PIGF: variants seen among roughly 807,000 people sequenced by gnomAD.
The protein encoded by PIGF is phosphatidylinositol glycan anchor biosynthesis class F.
In PIGF, 23 loss-of-function variants were observed where a neutral mutation model predicts 26.0. The ratio of observed to expected loss-of-function variants is 0.88; its 90% CI spans 0.64 to 1.25. The LOEUF (loss-of-function observed/expected upper bound fraction) is 1.25. Ranked by LOEUF, PIGF falls within the 50% of genes most tolerant of loss-of-function variation. PIGF has a pLI of 0.00. For missense variants in PIGF, 278 were observed against 249.9 expected, an observed-to-expected ratio of 1.11 and a Z score of -0.76; for synonymous variants, 93 against 92.6, an observed-to-expected ratio of 1.00 and a Z score of -0.03.
chr2:46,612,199 T>C, intron 4 of PIGF, 29 bp downstream of exon 4: 1 of 653,212 alleles, frequency 1.5e-6, no homozygotes, highest in Non-Finnish European at 2.4e-6. Context: ...TTAATTTCAA[T>C]ATCATTATAA....
At chr2:46,605,846 T>C (rs1267690185) in intron 4 of PIGF, among the ~76,000 whole-genome samples, 1 of 152,172 alleles carries the variant, frequency 6.6e-6, no homozygotes, top group African/African-American at 2.4e-5. Flanking sequence ...AGTATCTCAC[T>C]AGATTGCTCT....
In PIGF at chr2:46,613,687, A is replaced by C. The variant is rs375385503; in HGVS notation, c.320+7T>G. 2.0e-6 allele frequency: 3 copies of C among 1,509,880 alleles called. No individual in the cohort carries two copies. Among genetic ancestry groups the C allele is most frequent in the Non-Finnish European group, 2.7e-6 (3 of 1,118,476 alleles). The allele number at this position is 1,509,880 out of a possible 1,614,324, so 93.5% of individuals were successfully genotyped here. A position where few individuals can be genotyped will look rare whatever the true frequency, so the allele number is the denominator to read the frequency against. The stretch of plus-strand genomic sequence containing the variant: ...ATATAAATTTAGGGTAAAAATTTCA[A>C]ACTTACTCTATCAGTGGTGCTCCAT... On this transcript the variant is annotated splice_region_variant and intron_variant, in intron 3 of 5. Transcript: ENST00000281382.
chr2:46,585,028 T>C (rs1157260058), intron 5 of PIGF, among the ~76,000 whole-genome samples: 2 of 152,228 alleles, frequency 1.3e-5, no homozygotes, highest in Admixed American at 6.5e-5. Context: ...TATTTCCTTA[T>C]CTCACATACA....
At chr2:46,605,607 A>T (rs1670193327) in intron 4 of PIGF, among the ~76,000 whole-genome samples, 1 of 152,152 alleles carries the variant, frequency 6.6e-6, no homozygotes, top group African/African-American at 2.4e-5. Context: ...TTCTAATCAT[A>T]TTACATATGT....
rs1416531146 is a variant in PIGF, at chr2:46,589,696, G to A, written c.546+2779C>T. On this transcript the variant is annotated intron_variant, in intron 5 of 5. Transcript: ENST00000281382. The surrounding 1 kb of genome is among the most constrained non-coding windows in gnomAD (Gnocchi z 4.7). The stretch of plus-strand genomic sequence containing the variant: ...CATGTTCTATTTTAGATAATAAAGT[G>A]TATACTGTATTGTCTTCTCATGAAA... 6.6e-6 allele frequency among the ~76,000 whole-genome samples: 1 copy of A among 151,940 alleles called. No individual in the cohort carries two copies. The highest frequency in any genetic ancestry group is 1.5e-5 in the Non-Finnish European group (1 of 67,916).
chr2:46,603,723 C>T (rs898248805), intron 4 of PIGF, among the ~76,000 whole-genome samples: 20 of 152,042 alleles, frequency 1.3e-4, no homozygotes, highest in African/African-American at 4.1e-4. Flanking sequence ...GGATTAAAGA[C>T]TTAAATTTAA....
At chr2:46,600,771 G>T (rs1670031353) in intron 4 of PIGF, among the ~76,000 whole-genome samples, 1 of 152,034 alleles carries the variant, frequency 6.6e-6, no homozygotes, top group Non-Finnish European at 1.5e-5. Context: ...GAAGTTTTAT[G>T]TTACTTATAG....
Position 46,581,518 on chromosome 2 carries a change from A to G in PIGF, c.620T>C (p.Ile207Thr), listed in dbSNP as rs1669372743. The G allele has an allele frequency of 1.9e-6, 3 of 1,611,510 alleles. No individual in the cohort carries two copies. In the African/African-American group the frequency reaches 4.0e-5, roughly 22 times the overall value. Residue 207 changes from isoleucine to threonine, a missense_variant, in exon 6 of 6, where the codon ATA (isoleucine) becomes ACA (threonine). Ile to Thr is a moderately conservative substitution (Grantham distance 89). Coordinates refer to ENST00000281382, the MANE Select transcript of PIGF (RefSeq NM_002643.4). ...VAGLVISPLW[I>T]YWNRKQLTYK... ...TGTAAGTTGCTTTCTATTCCAGTAT[A>G]TCCAGAGTGGTGAAATAACAAGGCC...
At chr2:46,592,263 T>C (rs1669745082) in intron 5 of PIGF, among the ~76,000 whole-genome samples, 1 of 152,070 alleles carries the variant, frequency 6.6e-6, no homozygotes, top group Non-Finnish European at 1.5e-5. Context: ...GTGCAAAAAA[T>C]AGTGCTAGAA....
At chr2:46,592,803 A>C (rs1440656891) in intron 4 of PIGF, among the ~76,000 whole-genome samples, 1 of 152,238 alleles carries the variant, frequency 6.6e-6, no homozygotes, top group Admixed American at 6.5e-5. Context: ...ACGCACTAGG[A>C]GTCAAACCAT....
At chr2:46,608,633 CA>C (rs1168504352) in intron 4 of PIGF, among the ~76,000 whole-genome samples, 1 of 152,124 alleles carries the variant, frequency 6.6e-6, no homozygotes, top group Non-Finnish European at 1.5e-5. Context: ...ACTTGAAAAT[CA>C]AAATTACTCC....
intron 4 of PIGF, among the ~76,000 whole-genome samples, chr2:46,611,027 C>T (rs562242876): frequency 5.9e-5 from 9 of 152,302 alleles, no homozygotes; most frequent in Non-Finnish European, 1.0e-4. Context: ...AAATCATATA[C>T]TCTTGACTTA....
intron 3 of PIGF, among the ~76,000 whole-genome samples, chr2:46,613,308 CTTTTG>C (rs1371197566): frequency 2.0e-5 from 3 of 152,050 alleles, no homozygotes; most frequent in African/African-American, 7.2e-5. Context: ...AATCTATTGA[CTTTTG>C]TTAAGAAAAA....
chr2:46,585,524 C>T (rs1373417371), intron 5 of PIGF, among the ~76,000 whole-genome samples: 1 of 152,134 alleles, frequency 6.6e-6, no homozygotes, highest in Non-Finnish European at 1.5e-5. Context: ...ACAGAAGTAC[C>T]TACTATACTT....
chr2:46,604,351 T>A (rs1392990558), intron 4 of PIGF, among the ~76,000 whole-genome samples: 1 of 152,022 alleles, frequency 6.6e-6, no homozygotes, highest in Non-Finnish European at 1.5e-5. Context: ...ATCACATTGC[T>A]AGGTATATAC....
At chr2:46,594,982 C>G (rs887565125) in intron 4 of PIGF, among the ~76,000 whole-genome samples, 1 of 151,486 alleles carries the variant, frequency 6.6e-6, no homozygotes, top group Non-Finnish European at 1.5e-5. Context: ...TCCCGAATAG[C>G]TGGGATTATA....
At chr2:46,597,116 C>T (rs1188334319) in intron 4 of PIGF, among the ~76,000 whole-genome samples, 3 of 152,196 alleles carry the variant, frequency 2.0e-5, no homozygotes, top group African/African-American at 4.8e-5. Flanking sequence ...TGCAAAACTG[C>T]TGTGCTGTGG....
At chr2:46,601,407 C>T (rs542398660) in intron 4 of PIGF, among the ~76,000 whole-genome samples, 4 of 152,158 alleles carry the variant, frequency 2.6e-5, no homozygotes, top group South Asian at 2.1e-4. Flanking sequence ...GTGCCTACTA[C>T]GTGCCAGACA....
chr2:46,591,848 C>G (rs1236213714), intron 5 of PIGF: 1 of 1,302,736 alleles, frequency 7.7e-7, no homozygotes, highest in Non-Finnish European at 1.0e-6. Flanking sequence ...TATTGTGATA[C>G]AAGACGAAAA....
Sources: allele counts gnomAD v4.1 joint callset (sites outside exome capture counted in the v4.1 genomes callset), GRCh38; gene constraint gnomAD v4.1.1; non-coding constraint Gnocchi (gnomAD v3.1); transcripts MANE v1.5; gene names NCBI Gene and HGNC (gene_info 2026-07-23, HGNC 2026-07-21).